The following POU2F1 variants were observed in gnomAD, a reference collection of about 807,000 sequenced individuals.
POU2F1 encodes the protein POU class 2 homeobox 1, also known as POU domain, class 2, transcription factor 1.
In POU2F1, 16 loss-of-function variants were observed where a neutral mutation model predicts 84.9. The observed-to-expected ratio is 0.19, with a 90% CI of 0.13 to 0.29. The LOEUF is 0.29. POU2F1 is among the 10% of genes least tolerant of loss of function. POU2F1 has a pLI of 1.00. For missense variants in POU2F1, 738 were observed against 942.6 expected (o/e 0.78, Z 2.84); for synonymous variants, 368 against 368.3 (o/e 1.00, Z 0.01).
chr1:167,353,283 T>A (rs1257508000), intron 2 of POU2F1, among the ~76,000 whole-genome samples: 1 of 152,172 alleles, frequency 6.6e-6, no homozygotes, highest in Non-Finnish European at 1.5e-5. Flanking sequence ...ATTGTAGCTG[T>A]CTGATTTGAG....
At chr1:167,392,754 G>A (rs1648518180) in intron 9 of POU2F1, among the ~76,000 whole-genome samples, 1 of 152,162 alleles carries the variant, frequency 6.6e-6, no homozygotes, top group African/African-American at 2.4e-5. Flanking sequence ...CAGTGGCAAT[G>A]GTTCACAAAC....
chr1:167,261,373 C>T (rs1272827934), intron 1 of POU2F1, among the ~76,000 whole-genome samples: 2 of 152,140 alleles, frequency 1.3e-5, no homozygotes, highest in Non-Finnish European at 2.9e-5. Flanking sequence ...TTCATGTGTG[C>T]ACTAGCAGAG....
At chr1:167,230,217 G>A (rs1289843880) in intron 1 of POU2F1, among the ~76,000 whole-genome samples, 2 of 152,096 alleles carry the variant, frequency 1.3e-5, no homozygotes, top group African/African-American at 4.8e-5. Context: ...TGTTTGGGAC[G>A]TTGTGTGAGA....
chr1:167,397,053 A>G (rs1274474838), intron 10 of POU2F1, among the ~76,000 whole-genome samples: 2 of 152,162 alleles, frequency 1.3e-5, no homozygotes, highest in African/African-American at 4.8e-5. Flanking sequence ...GCATCCTTGG[A>G]CAGTTTTATT....
intron 1 of POU2F1, among the ~76,000 whole-genome samples, chr1:167,253,458 C>G (rs2102410418): frequency 6.9e-6 from 1 of 143,962 alleles, no homozygotes. Context: ...TTTGGTCTTA[C>G]TCTGTCACCC....
chr1:167,308,128 G>A (rs58306127), intron 1 of POU2F1, among the ~76,000 whole-genome samples: 11,380 of 150,522 alleles, frequency 0.076, 1,363 homozygotes, highest in African/African-American at 0.26. Flanking sequence ...GTGCAGTGAT[G>A]CAATCTCGGC....
At chr1:167,231,541 A>G (rs1397099426) in intron 1 of POU2F1, among the ~76,000 whole-genome samples, 1 of 152,230 alleles carries the variant, frequency 6.6e-6, no homozygotes, top group Non-Finnish European at 1.5e-5. Flanking sequence ...TGATGAACCA[A>G]TATGGCCAGT....
intron 1 of POU2F1, among the ~76,000 whole-genome samples, chr1:167,271,565 G>T (rs540251582): frequency 2.4e-4 from 36 of 152,240 alleles, no homozygotes; most frequent in African/African-American, 7.7e-4. Context: ...AAGTTGAGAT[G>T]GGTGGCTTAT....
chr1:167,413,318 A>G (rs754114047), intron 15 of POU2F1, among the ~76,000 whole-genome samples: 2 of 152,218 alleles, frequency 1.3e-5, no homozygotes, highest in Non-Finnish European at 2.9e-5. Context: ...AGAAAAGTAT[A>G]GGTGTTAGTA....
chr1:167,316,717 A>G (rs1037942478), intron 1 of POU2F1, among the ~76,000 whole-genome samples: 3 of 152,160 alleles, frequency 2.0e-5, no homozygotes, highest in African/African-American at 7.2e-5. Context: ...TAACAGATAA[A>G]GAGAGAAAAC....
At chr1:167,370,618 G>C (rs1659947105) in intron 4 of POU2F1, among the ~76,000 whole-genome samples, 1 of 147,146 alleles carries the variant, frequency 6.8e-6, no homozygotes, top group Admixed American at 6.7e-5. Context: ...ACTGGACTGA[G>C]ACACAAGGGT....
intron 2 of POU2F1, among the ~76,000 whole-genome samples, chr1:167,345,557 A>G (rs112435685): frequency 3.3e-5 from 5 of 152,318 alleles, no homozygotes; most frequent in African/African-American, 1.2e-4. Context: ...CAGAAGGTAA[A>G]GAGCATTCAT....
chr1:167,327,251 G>C (rs1283771562), intron 1 of POU2F1, among the ~76,000 whole-genome samples: 1 of 152,188 alleles, frequency 6.6e-6, no homozygotes, highest in Non-Finnish European at 1.5e-5. Context: ...GCTCTTGTCT[G>C]AGAAGCATGA....
rs994678347 is a variant in POU2F1, at chr1:167,243,391, A to G, written c.61+22433A>G. ...TGGAATCTGTCGATTTATGTAAACT[A>G]TTTCTTATTATCTTCAAACCTTTTA... On this transcript the variant is annotated intron_variant, in intron 1 of 15. Transcript: ENST00000367866. 5.9e-5 allele frequency among the ~76,000 whole-genome samples: 9 copies of G among 152,372 alleles called. No homozygotes were observed. The South Asian group carries it at 1.7e-3, about 28-fold the overall frequency.
At position 167,415,928 on chromosome 1, in the gene POU2F1, A is replaced by C; in HGVS notation, c.*118A>C. ...TCCTCTCGCCGTGTTGTGAGGGCAA[A>C]GGAGAGAAGGGAGAAAAAAAAAAAA... On this transcript the variant is annotated 3_prime_UTR_variant, in exon 16 of 16. Coordinates refer to ENST00000367866, the MANE Select transcript of POU2F1 (RefSeq NM_002697.4). 1 of 652,372 alleles carries C rather than the reference A, an allele frequency of 1.5e-6. No homozygotes were observed. Among genetic ancestry groups the C allele is most frequent in the Non-Finnish European group, 2.4e-6 (1 of 408,702 alleles). 40.4% of individuals were successfully genotyped at this position (652,372 alleles called of 1,614,324 possible).
chr1:167,401,588 G>T, intron 13 of POU2F1, 32 bp downstream of exon 13: 1 of 1,483,142 alleles, frequency 6.7e-7, no homozygotes, highest in Non-Finnish European at 9.2e-7. Flanking sequence ...CACCTGCTGA[G>T]CACATGGGAG....
intron 9 of POU2F1, among the ~76,000 whole-genome samples, chr1:167,394,948 G>A (rs1648697148): frequency 6.6e-6 from 1 of 152,136 alleles, no homozygotes; most frequent in South Asian, 2.1e-4. Context: ...CAAAAGACTG[G>A]GATAATCCCA....
chr1:167,412,986 T>A, intron 14 of POU2F1, 40 bp from the exon 15 acceptor site: 2 of 1,508,500 alleles, frequency 1.3e-6, no homozygotes, highest in Non-Finnish European at 1.8e-6. Context: ...GAGACCTGCG[T>A]CTGCATGGTA....
chr1:167,393,189 A>G (rs933072677), intron 9 of POU2F1, among the ~76,000 whole-genome samples: 2 of 152,208 alleles, frequency 1.3e-5, no homozygotes, highest in African/African-American at 4.8e-5. Context: ...TGAATCGACT[A>G]CTTAAAACAT....
Sources: allele counts gnomAD v4.1 joint callset (sites outside exome capture counted in the v4.1 genomes callset), GRCh38; gene constraint gnomAD v4.1.1; transcripts MANE v1.5; gene names NCBI Gene and HGNC (gene_info 2026-07-23, HGNC 2026-07-21).